DSCAM: variants seen among roughly 807,000 people sequenced by gnomAD.
The protein encoded by DSCAM is cell adhesion molecule DSCAM.
DSCAM carries 47 observed loss-of-function variants against 217.7 expected under a neutral mutation model. The observed-to-expected ratio is 0.22, with a 90% CI of 0.17 to 0.28. DSCAM has a LOEUF of 0.28. Ranked by LOEUF, DSCAM falls within the 10% of genes least tolerant of loss-of-function variation. DSCAM has a pLI of 1.00. For missense variants in DSCAM, 2,080 were observed against 2,618.3 expected (o/e 0.79, Z 4.49); for synonymous variants, 1,056 against 1,015.3 (o/e 1.04, Z -0.76).
At chr21:40,612,070 C>T (rs1286690651) in intron 3 of DSCAM, among the ~76,000 whole-genome samples, 1 of 152,166 alleles carries the variant, frequency 6.6e-6, no homozygotes, top group Non-Finnish European at 1.5e-5. Context: ...CAGGAACATA[C>T]AGGCTGTTTG....
chr21:40,743,868 T>A (rs1198711857), intron 1 of DSCAM, among the ~76,000 whole-genome samples: 1 of 152,172 alleles, frequency 6.6e-6, no homozygotes, highest in Non-Finnish European at 1.5e-5. Context: ...ACAGTAATTA[T>A]GAAGGAGAAA....
At chr21:40,581,082 A>C (rs1288427161) in intron 3 of DSCAM, among the ~76,000 whole-genome samples, 10 of 152,266 alleles carry the variant, frequency 6.6e-5, no homozygotes, top group Admixed American at 6.5e-4. Flanking sequence ...ACATCTCAGC[A>C]AAACACAAAT....
chr21:40,225,706 G>A lies in DSCAM; in HGVS notation c.2357-36468C>T, dbSNP rs543527217. ...TGCTTCCCTATCCCTACCTATTACC[G>A]CTGGGGTCCACACGATCTTTGTTGG... On this transcript the variant is annotated intron_variant, in intron 11 of 32. Coordinates refer to ENST00000400454, the MANE Select transcript of DSCAM (RefSeq NM_001389.5). 1.2e-4 allele frequency among the ~76,000 whole-genome samples: 18 copies of A among 152,138 alleles called. No individual in the cohort carries two copies. In the South Asian group the frequency reaches 1.2e-3, roughly 11 times the overall value.
chr21:40,265,330 A>T (rs192133482), intron 11 of DSCAM, among the ~76,000 whole-genome samples: 9 of 152,320 alleles, frequency 5.9e-5, no homozygotes, highest in Non-Finnish European at 1.3e-4. Context: ...ACTACAAAAC[A>T]CTGCTGAAAG....
In DSCAM at chr21:40,338,130, G is replaced by C; in HGVS notation, c.1754C>G (p.Thr585Ser). 1 of 1,614,202 alleles carries C rather than the reference G, an allele frequency of 6.2e-7. No homozygotes were observed. The highest frequency in any genetic ancestry group is 8.5e-7 in the Non-Finnish European group (1 of 1,180,042). Residue 585 changes from threonine to serine, a missense_variant, in exon 8 of 33, where the codon ACC becomes AGC. Around this residue, in one of 5 missense-constraint regions of DSCAM, gnomAD observed 218 missense variants for 364.1 expected, o/e 0.60. Coordinates refer to ENST00000400454, the MANE Select transcript of DSCAM (RefSeq NM_001389.5). ...CNVLVQPQLSTSQSVHVTVKV... is the reference protein window; with the variant it reads ...CNVLVQPQLSSSQSVHVTVKV... ...CACGGTCACGTGGACGCTCTGGCTG[G>C]TGGAGAGTTGTGGTTGAACCAACAC...
intron 9 of DSCAM, among the ~76,000 whole-genome samples, chr21:40,305,880 C>T (rs1221913781): frequency 2.6e-5 from 4 of 152,286 alleles, no homozygotes; most frequent in African/African-American, 7.2e-5. Flanking sequence ...TAGCATGATG[C>T]CTCCAGCTTT....
At chr21:40,320,006 T>C (rs1450104057) in intron 8 of DSCAM, among the ~76,000 whole-genome samples, 2 of 152,126 alleles carry the variant, frequency 1.3e-5, no homozygotes, top group Non-Finnish European at 2.9e-5. Flanking sequence ...CAATGAGAAC[T>C]CATGGACACA....
At chr21:40,235,400 C>T (rs1569015127) in intron 11 of DSCAM, among the ~76,000 whole-genome samples, 1 of 152,134 alleles carries the variant, frequency 6.6e-6, no homozygotes, top group Admixed American at 6.5e-5. Context: ...TTTTCTTTCG[C>T]TGTATGTTTA....
At chr21:40,542,071 T>C (rs1477471002) in intron 3 of DSCAM, among the ~76,000 whole-genome samples, 4 of 152,204 alleles carry the variant, frequency 2.6e-5, no homozygotes, top group African/African-American at 9.6e-5. Context: ...AAAAGAAACT[T>C]GTTTTCTGAA....
At chr21:40,047,799 A>G (rs8130353) in intron 30 of DSCAM, among the ~76,000 whole-genome samples, 46,014 of 152,028 alleles carry the variant, frequency 0.3, 7,375 homozygotes, top group African/African-American at 0.39. Context: ...ATCCTGGACC[A>G]CTGGATGCAC....
chr21:40,841,247 C>T (rs2092098530), intron 1 of DSCAM, among the ~76,000 whole-genome samples: 1 of 152,146 alleles, frequency 6.6e-6, no homozygotes, highest in Non-Finnish European at 1.5e-5. Flanking sequence ...TGCTTCCCTC[C>T]TGCCACCTTG....
intron 20 of DSCAM, among the ~76,000 whole-genome samples, chr21:40,111,678 A>G (rs1294356324): frequency 1.2e-4 from 19 of 152,292 alleles, no homozygotes; most frequent in Admixed American, 2.6e-4. Flanking sequence ...CCCATCTCAC[A>G]TGCAGAGACA....
chr21:40,836,035 C>T (rs1001757101), intron 1 of DSCAM, among the ~76,000 whole-genome samples: 3 of 152,146 alleles, frequency 2.0e-5, no homozygotes, highest in Admixed American at 6.5e-5. Flanking sequence ...TGAGCTTGTG[C>T]CCTGGACAAA....
At chr21:40,473,930 C>T (rs1227092295) in intron 3 of DSCAM, among the ~76,000 whole-genome samples, 1 of 152,226 alleles carries the variant, frequency 6.6e-6, no homozygotes, top group Non-Finnish European at 1.5e-5. Context: ...CAAATGACTG[C>T]TGTTCAAACC....
intron 16 of DSCAM, among the ~76,000 whole-genome samples, chr21:40,147,792 T>A (rs1268054604): frequency 1.3e-5 from 2 of 152,232 alleles, no homozygotes; most frequent in Non-Finnish European, 2.9e-5. Context: ...TACTTCATAG[T>A]CTTTAAATAT....
chr21:40,444,977 T>A (rs1029914514), intron 3 of DSCAM, among the ~76,000 whole-genome samples: 2 of 152,214 alleles, frequency 1.3e-5, no homozygotes, highest in African/African-American at 4.8e-5. Context: ...CCATTTGGGC[T>A]GCTATAACAA....
At chr21:40,710,834 G>A (rs1319570438) in intron 1 of DSCAM, among the ~76,000 whole-genome samples, 1 of 152,234 alleles carries the variant, frequency 6.6e-6, no homozygotes, top group African/African-American at 2.4e-5. Context: ...TTGTAAGAGA[G>A]AAGAGAAGCC....
intron 1 of DSCAM, among the ~76,000 whole-genome samples, chr21:40,811,769 T>A (rs2123546406): frequency 6.6e-6 from 1 of 152,276 alleles, no homozygotes; most frequent in Admixed American, 6.5e-5. Flanking sequence ...GAAATCTTTA[T>A]CTCCCACAGA....
At chr21:40,196,693 CCTCT>C (rs2091013557) in intron 11 of DSCAM, among the ~76,000 whole-genome samples, 1 of 151,852 alleles carries the variant, frequency 6.6e-6, no homozygotes, top group Non-Finnish European at 1.5e-5. Context: ...TTTCATCCTC[CCTCT>C]ATTTCTGTCT....
Sources: allele counts gnomAD v4.1 joint callset (sites outside exome capture counted in the v4.1 genomes callset), GRCh38; gene constraint gnomAD v4.1.1; regional missense constraint gnomAD v4.1.1; transcripts MANE v1.5; gene names NCBI Gene and HGNC (gene_info 2026-07-23, HGNC 2026-07-21).